ANKS1B: variants seen among roughly 807,000 people sequenced by gnomAD.
The protein encoded by ANKS1B is ankyrin repeat and sterile alpha motif domain-containing protein 1B.
Under a neutral mutation model 148.3 loss-of-function variants are expected in ANKS1B, and 36 were observed. The ratio of observed to expected loss-of-function variants is 0.24; its 90% CI spans 0.19 to 0.32. ANKS1B has a LOEUF of 0.32. Among genes scored for constraint, ANKS1B ranks in the 10% least tolerant of loss-of-function variants. ANKS1B has a pLI of 1.00. For synonymous variants in ANKS1B, 542 were observed against 560.8 expected, an observed-to-expected ratio of 0.97 and a Z score of 0.47; for missense variants, 1,157 against 1,542.6, an observed-to-expected ratio of 0.75 and a Z score of 4.19.
Position 99,972,248 on chromosome 12 carries a change from G to A in ANKS1B, c.134+11856C>T, listed in dbSNP as rs368958729. On this transcript the variant is annotated intron_variant, in intron 1 of 26. Transcript: ENST00000683438. The stretch of plus-strand genomic sequence containing the variant: ...GAGTCACACGTTTCTCACTTTAAAC[G>A]AAAAGCTAGAAATGAATAAACTTAG... Among the ~76,000 whole-genome samples, 4 of 152,212 alleles carry A rather than the reference G, an allele frequency of 2.6e-5. 1 individual carries two copies. The highest frequency in any genetic ancestry group is 6.8e-3 in the Middle Eastern group (2 of 294).
chr12:99,639,489 G>T (rs981553336), intron 9 of ANKS1B, among the ~76,000 whole-genome samples: 1 of 152,052 alleles, frequency 6.6e-6, no homozygotes, highest in African/African-American at 2.4e-5. Context: ...AGGTACCAGG[G>T]GTGGAATGAT....
chr12:99,127,193 A>T (rs1412256879), intron 15 of ANKS1B, among the ~76,000 whole-genome samples: 1 of 152,142 alleles, frequency 6.6e-6, no homozygotes, highest in Non-Finnish European at 1.5e-5. Context: ...TGAATTTGGG[A>T]GGCTGAATAT....
chr12:99,842,775 G>A (rs2085958618), intron 1 of ANKS1B, among the ~76,000 whole-genome samples: 1 of 152,066 alleles, frequency 6.6e-6, no homozygotes, highest in Non-Finnish European at 1.5e-5. Flanking sequence ...CCTGAATATT[G>A]TCTTCCTTAC....
intron 15 of ANKS1B, among the ~76,000 whole-genome samples, chr12:99,121,693 A>T (rs1371148483): frequency 6.6e-6 from 1 of 152,144 alleles, no homozygotes; most frequent in Non-Finnish European, 1.5e-5. Flanking sequence ...CACGGGATGA[A>T]CAGTGGCTGC....
intron 10 of ANKS1B, among the ~76,000 whole-genome samples, chr12:99,468,157 T>C (rs1278100008): frequency 9.2e-5 from 14 of 152,094 alleles, no homozygotes; most frequent in Non-Finnish European, 2.1e-4. Flanking sequence ...TATCTGATCT[T>C]TGACAAACCT....
chr12:98,941,755 T>G (rs963860352), intron 17 of ANKS1B, among the ~76,000 whole-genome samples: 3 of 152,222 alleles, frequency 2.0e-5, no homozygotes, highest in Non-Finnish European at 2.9e-5. Context: ...TAAAATTAAC[T>G]TGTATTATTG....
intron 14 of ANKS1B, among the ~76,000 whole-genome samples, chr12:99,203,186 T>C (rs1277988038): frequency 6.6e-6 from 1 of 152,170 alleles, no homozygotes; most frequent in Non-Finnish European, 1.5e-5. Context: ...GATCTTTAGA[T>C]TGATAAAGAG....
At chr12:98,825,663 T>A (rs2099243027) in intron 19 of ANKS1B, among the ~76,000 whole-genome samples, 1 of 152,216 alleles carries the variant, frequency 6.6e-6, no homozygotes, top group Non-Finnish European at 1.5e-5. Context: ...GAAACTTTTT[T>A]TTTTCTTGCA....
chr12:98,936,106 T>A (rs957430866), intron 17 of ANKS1B, among the ~76,000 whole-genome samples: 8 of 152,242 alleles, frequency 5.3e-5, no homozygotes, highest in Admixed American at 2.6e-4. Context: ...TTATGGTATT[T>A]TATTGTTTAG....
chr12:98,888,030 C>A (rs545091293), intron 17 of ANKS1B, among the ~76,000 whole-genome samples: 1 of 152,164 alleles, frequency 6.6e-6, no homozygotes, highest in African/African-American at 2.4e-5. Flanking sequence ...TAGAAAGATG[C>A]CTTAAATGAT....
Position 98,848,743 on chromosome 12 carries a change from G to GTTTTT in ANKS1B, c.2779-16612_2779-16608dup, listed in dbSNP as rs10695483. On this transcript the variant is annotated intron_variant, in intron 17 of 26. Transcript: ENST00000683438. ...CTGGATTAATTTCTGTGTATGTGTG[G>GTTTTT]TTTTTTTTTTTTTGAGACGGAGTCT... Among the ~76,000 whole-genome samples the GTTTTT allele has an allele frequency of 1.2e-4, 6 of 48,090 alleles. 2 individuals carry two copies. Among genetic ancestry groups the GTTTTT allele is most frequent in the Non-Finnish European group, 2.1e-4 (6 of 28,340 alleles). 31.5% of individuals were successfully genotyped at this position (48,090 alleles called of 152,430 possible).
intron 9 of ANKS1B, among the ~76,000 whole-genome samples, chr12:99,522,173 G>T (rs1252636060): frequency 6.6e-6 from 1 of 152,062 alleles, no homozygotes; most frequent in African/African-American, 2.4e-5. Flanking sequence ...TTTTGTACTT[G>T]AATTTTTACA....
chr12:99,670,302 A>G (rs184431329), intron 8 of ANKS1B, among the ~76,000 whole-genome samples: 6 of 152,190 alleles, frequency 3.9e-5, no homozygotes, highest in African/African-American at 1.4e-4. Flanking sequence ...TTGTCTTGCC[A>G]ATTTCCTAAT....
At chr12:98,948,161 A>G (rs1209921866) in intron 17 of ANKS1B, among the ~76,000 whole-genome samples, 1 of 152,070 alleles carries the variant, frequency 6.6e-6, no homozygotes, top group Non-Finnish European at 1.5e-5. Flanking sequence ...TGCCACCTGC[A>G]TTTCAGTTGT....
intron 15 of ANKS1B, among the ~76,000 whole-genome samples, chr12:99,144,641 C>T (rs1314836134): frequency 6.6e-6 from 1 of 151,840 alleles, no homozygotes; most frequent in East Asian, 1.9e-4. Context: ...GTTCTAACCC[C>T]TAGTAGATAT....
At chr12:99,208,559 A>G (rs2082950674) in intron 14 of ANKS1B, among the ~76,000 whole-genome samples, 1 of 152,122 alleles carries the variant, frequency 6.6e-6, no homozygotes, top group Non-Finnish European at 1.5e-5. Context: ...ATCAGTCCTA[A>G]TTCTGGTTAT....
chr12:99,816,579 G>A (rs11110058), intron 2 of ANKS1B, among the ~76,000 whole-genome samples: 35,126 of 151,260 alleles, frequency 0.23, 4,835 homozygotes, highest in East Asian at 0.64. Flanking sequence ...TGTTTAAATC[G>A]AGCTTTACAT....
intron 1 of ANKS1B, among the ~76,000 whole-genome samples, chr12:99,884,119 T>G (rs1202300894): frequency 6.6e-6 from 1 of 152,032 alleles, no homozygotes; most frequent in Non-Finnish European, 1.5e-5. Context: ...AAAACCACAA[T>G]TACTTTTGCA....
chr12:99,564,284 C>A (rs2097366238), intron 9 of ANKS1B, among the ~76,000 whole-genome samples: 1 of 151,722 alleles, frequency 6.6e-6, no homozygotes, highest in Non-Finnish European at 1.5e-5. Context: ...AATAGCAGAA[C>A]AGGTATATAA....
Sources: gnomAD v4.1 joint callset for allele counts (sites outside exome capture counted in the v4.1 genomes callset) on GRCh38, gnomAD v4.1.1 for gene constraint, MANE v1.5 for transcripts, NCBI Gene and HGNC (gene_info 2026-07-23, HGNC 2026-07-21) for gene names.